Variants in EPHA3 observed in about 807,000 individuals in gnomAD.
The protein encoded by EPHA3 is EPH receptor A3.
Under a neutral mutation model 107.1 loss-of-function variants are expected in EPHA3, and 42 were observed. The observed-to-expected ratio is 0.39, with a 90% confidence interval of 0.31 to 0.51. The LOEUF is 0.51. Among genes scored for constraint, EPHA3 ranks in the 20% least tolerant of loss-of-function variants. The pLI, the probability that EPHA3 is intolerant of heterozygous loss-of-function variation, is 0.78. For missense variants in EPHA3, 1,183 were observed against 1,211.2 expected, an observed-to-expected ratio of 0.98 and a Z score of 0.35; for synonymous variants, 461 against 424.8, an observed-to-expected ratio of 1.09 and a Z score of -1.05.
At chr3:89,211,573 T>C (rs976130729) in intron 3 of EPHA3, among the ~76,000 whole-genome samples, 4 of 152,106 alleles carry the variant, frequency 2.6e-5, no homozygotes, top group African/African-American at 9.7e-5. Flanking sequence ...CTACTTTGCA[T>C]ATAAATTGTC....
intron 2 of EPHA3, among the ~76,000 whole-genome samples, chr3:89,137,445 A>C (rs1704337357): frequency 6.6e-6 from 1 of 152,054 alleles, no homozygotes; most frequent in Non-Finnish European, 1.5e-5. Context: ...AAAGATTAAA[A>C]AAAGAAATTA....
At chr3:89,359,839 A>G (rs1708055844) in intron 5 of EPHA3, among the ~76,000 whole-genome samples, 1 of 146,132 alleles carries the variant, frequency 6.8e-6, no homozygotes, top group African/African-American at 2.5e-5. Flanking sequence ...ATATACATAT[A>G]TATATATGCA....
intron 16 of EPHA3, among the ~76,000 whole-genome samples, chr3:89,474,877 C>A (rs1180254379): frequency 2.6e-5 from 4 of 152,160 alleles, no homozygotes; most frequent in African/African-American, 9.7e-5. Flanking sequence ...ATTATTTGAA[C>A]AACCTGTGAA....
At chr3:89,169,338 T>C (rs6802483) in intron 2 of EPHA3, among the ~76,000 whole-genome samples, 35,164 of 152,048 alleles carry the variant, frequency 0.23, 4,187 homozygotes, top group Middle Eastern at 0.33. Flanking sequence ...ACCGAAATTA[T>C]AAACATTTAT....
intron 9 of EPHA3, among the ~76,000 whole-genome samples, chr3:89,411,208 A>G (rs1709149935): frequency 6.6e-6 from 1 of 151,446 alleles, no homozygotes; most frequent in Non-Finnish European, 1.5e-5. Context: ...TTTTGCCAAG[A>G]TATTCAAGAT....
chr3:89,365,634 C>G (rs1284074378), intron 5 of EPHA3, among the ~76,000 whole-genome samples: 1 of 150,478 alleles, frequency 6.6e-6, no homozygotes, highest in Admixed American at 6.7e-5. Flanking sequence ...AAAATAACAC[C>G]AAGAAATTGT....
chr3:89,375,066 T>G (rs1457300237), intron 5 of EPHA3, among the ~76,000 whole-genome samples: 9 of 151,794 alleles, frequency 5.9e-5, no homozygotes, highest in Non-Finnish European at 1.3e-4. Flanking sequence ...GAGATATATT[T>G]GTGTATGTGT....
chr3:89,349,933 T>C lies in EPHA3; in HGVS notation c.1306+7843T>C, dbSNP rs1315844698. Among the ~76,000 whole-genome samples, 59 of 149,134 alleles carry C rather than the reference T, an allele frequency of 4.0e-4. 2 individuals carry two copies. The highest frequency in any genetic ancestry group is 1.4e-3 in the African/African-American group (57 of 40,038). On this transcript the variant is annotated intron_variant, in intron 5 of 16. Coordinates refer to ENST00000336596, the MANE Select transcript of EPHA3 (RefSeq NM_005233.6). ...TGAAAATTCTTTTCTTTGAGAATGT[T>C]GAATATTGGCCCCCACTCTCTTCTG...
rs145678079 is a variant in EPHA3 at position 89,376,311 on chromosome 3, A to C, written c.1307-19526A>C. ...ATGAATCTAATATATAATGATTAGTAATTGAGCTTTATGTAGGATGTGTGT... is the reference window on the plus strand; with the variant it reads ...ATGAATCTAATATATAATGATTAGTCATTGAGCTTTATGTAGGATGTGTGT... On this transcript the variant is annotated intron_variant, in intron 5 of 16. Coordinates refer to ENST00000336596, the MANE Select transcript of EPHA3 (RefSeq NM_005233.6). 5.9e-3 allele frequency among the ~76,000 whole-genome samples: 898 copies of C among 151,854 alleles called. 3 individuals are homozygous for C. Among genetic ancestry groups the C allele is most frequent in the Non-Finnish European group, 9.3e-3 (629 of 67,832 alleles).
At chr3:89,226,219 C>A (rs1001370578) in intron 3 of EPHA3, among the ~76,000 whole-genome samples, 1 of 152,102 alleles carries the variant, frequency 6.6e-6, no homozygotes, top group Non-Finnish European at 1.5e-5. Context: ...TGTAACCATT[C>A]TGGGTCCCAG....
intron 13 of EPHA3, among the ~76,000 whole-genome samples, chr3:89,447,550 A>G (rs979836633): frequency 2.6e-5 from 4 of 152,194 alleles, no homozygotes; most frequent in Admixed American, 2.6e-4. Flanking sequence ...TCCCAAGTGC[A>G]TCTGTGATTA....
intron 2 of EPHA3, among the ~76,000 whole-genome samples, chr3:89,170,069 A>G (rs1705176879): frequency 6.6e-6 from 1 of 151,996 alleles, no homozygotes; most frequent in Admixed American, 6.6e-5. Flanking sequence ...TAACACGTTG[A>G]AATCCCGTCT....
At chr3:89,419,553 A>C (rs1031988704) in intron 11 of EPHA3, among the ~76,000 whole-genome samples, 163 bp downstream of exon 11, 2 of 151,446 alleles carry the variant, frequency 1.3e-5, no homozygotes, top group African/African-American at 4.8e-5. Context: ...AGTAGAGCAG[A>C]CCTTTAAATA....
intron 3 of EPHA3, among the ~76,000 whole-genome samples, chr3:89,338,549 T>C (rs1707442986): frequency 6.6e-6 from 1 of 152,212 alleles, no homozygotes; most frequent in Admixed American, 6.5e-5. Flanking sequence ...CAAATATTTA[T>C]TTATTTATTT....
At position 89,209,851 on chromosome 3, in the gene EPHA3, A is replaced by G; in HGVS notation, c.154-9A>G. The G allele has an allele frequency of 6.4e-7, 1 of 1,571,948 alleles. No individual in the cohort carries two copies. Among genetic ancestry groups the G allele is most frequent in the Non-Finnish European group, 8.6e-7 (1 of 1,159,108 alleles). On this transcript the variant is annotated splice_polypyrimidine_tract_variant and intron_variant, in intron 2 of 16. Transcript: ENST00000336596. ...CTGCCTCACTCTCTGTTTCTCTTTG[A>G]TTCTTCAGTGGGAAGAGATCAGTGG...
intron 2 of EPHA3, among the ~76,000 whole-genome samples, chr3:89,191,366 G>A (rs542187107): frequency 3.8e-4 from 58 of 151,518 alleles, no homozygotes; most frequent in Non-Finnish European, 3.5e-4. Flanking sequence ...GAGTGCTGTG[G>A]CACGATCTCG....
At chr3:89,381,840 C>T (rs1358644224) in intron 5 of EPHA3, among the ~76,000 whole-genome samples, 1 of 152,094 alleles carries the variant, frequency 6.6e-6, no homozygotes, top group Non-Finnish European at 1.5e-5. Flanking sequence ...ATCTATGAAT[C>T]GGGAAATAGA....
At position 89,413,391 on chromosome 3, in the gene EPHA3, T is replaced by C. The variant is rs189153661; in HGVS notation, c.1888+125T>C. 1.2e-5 allele frequency: 15 copies of C among 1,212,686 alleles called. No individual in the cohort carries two copies. The East Asian group carries it at 3.5e-4, about 29-fold the overall frequency. 75.1% of individuals were successfully genotyped at this position (1,212,686 alleles called of 1,614,324 possible). ...TGATTTCATGATCAAAGGCAAGTAA[T>C]AAATAAGTGCAATATTTAATGGAAT... On this transcript the variant is annotated intron_variant, in intron 10 of 16. Coordinates refer to ENST00000336596, the MANE Select transcript of EPHA3 (RefSeq NM_005233.6).
chr3:89,445,160 G>A (rs558494428), intron 13 of EPHA3, among the ~76,000 whole-genome samples: 259 of 152,208 alleles, frequency 1.7e-3, no homozygotes, highest in Non-Finnish European at 2.8e-3. Context: ...CAGCTACTAA[G>A]GAGGCTGAGG....
Sources: allele counts gnomAD v4.1 joint callset (sites outside exome capture counted in the v4.1 genomes callset), GRCh38; gene constraint gnomAD v4.1.1; transcripts MANE v1.5; gene names NCBI Gene and HGNC (gene_info 2026-07-23, HGNC 2026-07-21).